NRG1: variants seen among roughly 807,000 people sequenced by gnomAD.
The protein encoded by NRG1 is pro-neuregulin-1, membrane-bound isoform.
Under a neutral mutation model 63.8 loss-of-function variants are expected in NRG1, and 18 were observed. The observed-to-expected ratio is 0.28, with a 90% CI of 0.19 to 0.42. NRG1 has a LOEUF of 0.42. NRG1 is among the 10% of genes least tolerant of loss of function. NRG1 has a pLI of 1.00. For synonymous variants in NRG1, 302 were observed against 301.3 expected (o/e 1.00, Z -0.02); for missense variants, 762 against 814.7 (o/e 0.94, Z 0.79).
chr8:31,943,927 C>T (rs1190663754), intron 1 of NRG1, among the ~76,000 whole-genome samples: 1 of 152,182 alleles, frequency 6.6e-6, no homozygotes, highest in African/African-American at 2.4e-5. Context: ...TGTGAGGTGG[C>T]TGTTTATACC....
At chr8:31,670,189 T>A (rs900758428) in intron 1 of NRG1, among the ~76,000 whole-genome samples, 20 of 152,060 alleles carry the variant, frequency 1.3e-4, no homozygotes, top group Non-Finnish European at 2.6e-4. Flanking sequence ...ATTGAAAAAA[T>A]TTTCCATGTT....
chr8:31,990,770 T>G (rs1472954712), intron 1 of NRG1, among the ~76,000 whole-genome samples: 2 of 152,116 alleles, frequency 1.3e-5, no homozygotes, highest in African/African-American at 4.8e-5. Flanking sequence ...AATATCAGCA[T>G]GAAGTGAAGT....
chr8:31,938,414 T>C (rs1329576005), intron 1 of NRG1, among the ~76,000 whole-genome samples: 1 of 152,152 alleles, frequency 6.6e-6, no homozygotes, highest in Non-Finnish European at 1.5e-5. Context: ...ACAGCAGTTC[T>C]TGAATCCCAG....
At chr8:32,681,966 C>T (rs1368715545) in intron 5 of NRG1, among the ~76,000 whole-genome samples, 2 of 151,928 alleles carry the variant, frequency 1.3e-5, no homozygotes, top group Non-Finnish European at 2.9e-5. Context: ...TCTTTAAGTA[C>T]CTATTCAGTG....
intron 1 of NRG1, among the ~76,000 whole-genome samples, chr8:32,463,982 TC>T (rs1308580154): frequency 1.5e-5 from 2 of 132,094 alleles, no homozygotes; most frequent in African/African-American, 5.5e-5. Context: ...AACCTCTGAC[TC>T]CCAGGTTCAA....
chr8:31,996,261 T>C (rs1488644768), intron 1 of NRG1, among the ~76,000 whole-genome samples: 1 of 152,006 alleles, frequency 6.6e-6, no homozygotes, highest in Non-Finnish European at 1.5e-5. Flanking sequence ...GTTCTTTATA[T>C]TGGCACTCCA....
chr8:32,044,204 T>A (rs1361748076), intron 1 of NRG1, among the ~76,000 whole-genome samples: 1 of 151,840 alleles, frequency 6.6e-6, no homozygotes, highest in Non-Finnish European at 1.5e-5. Flanking sequence ...TGACTGGGAA[T>A]AAAGATGACA....
chr8:32,237,097 T>G (rs754844408), intron 1 of NRG1, among the ~76,000 whole-genome samples: 7 of 152,190 alleles, frequency 4.6e-5, no homozygotes, highest in Non-Finnish European at 1.0e-4. Flanking sequence ...TTTCTGCACT[T>G]TATATCAGGT....
intron 1 of NRG1, among the ~76,000 whole-genome samples, chr8:31,686,336 A>G (rs989151466): frequency 3.3e-5 from 5 of 152,096 alleles, no homozygotes. Context: ...TTTTCTGAAT[A>G]TTTTATTGTC....
chr8:31,958,161 G>A (rs1485833704), intron 1 of NRG1, among the ~76,000 whole-genome samples: 1 of 151,958 alleles, frequency 6.6e-6, no homozygotes, highest in Non-Finnish European at 1.5e-5. Flanking sequence ...AGTACATGAA[G>A]AATTGGCATA....
At chr8:31,857,194 G>A (rs536517412) in intron 1 of NRG1, among the ~76,000 whole-genome samples, 64 of 152,178 alleles carry the variant, frequency 4.2e-4, no homozygotes, top group African/African-American at 1.3e-3. Context: ...GGGCAATGGC[G>A]GGCGCCCCTC....
chr8:32,648,517 A>G lies in NRG1; in HGVS notation c.502+31632A>G, dbSNP rs1015558406. On this transcript the variant is annotated intron_variant, in intron 5 of 11. Transcript: ENST00000356819. ...TGTTTAAGCAAAGCCTATGTTTGAG[A>G]TGCTTGGGATGGCATTGAAGGGCCG... is the stretch of plus-strand genomic sequence containing the variant. The G allele has an allele frequency of 1.4e-5, 19 of 1,326,682 alleles. 1 individual carries two copies. In the South Asian group the frequency reaches 2.9e-4, roughly 21 times the overall value. 82.2% of individuals were successfully genotyped at this position (1,326,682 alleles called of 1,614,324 possible). A position where few individuals can be genotyped will look rare whatever the true frequency, so the allele number is the denominator to read the frequency against.
chr8:32,187,698 C>T (rs1373698394), intron 1 of NRG1, among the ~76,000 whole-genome samples: 1 of 151,392 alleles, frequency 6.6e-6, no homozygotes, highest in Non-Finnish European at 1.5e-5. Context: ...TCTGGGGGAG[C>T]AGAGGCATAT....
chr8:32,764,239 C>T, exon 12 of NRG1: 1 of 1,614,118 alleles, frequency 6.2e-7, no homozygotes, highest in Non-Finnish European at 8.5e-7. Flanking sequence ...GAAGATACGC[C>T]TTTCCTGGGC....
chr8:31,790,258 T>C (rs1820573914), intron 1 of NRG1, among the ~76,000 whole-genome samples: 1 of 152,106 alleles, frequency 6.6e-6, no homozygotes, highest in Non-Finnish European at 1.5e-5. Flanking sequence ...CCTAAAACTA[T>C]TGAAGTAACA....
At chr8:32,145,188 C>A (rs1836739178) in intron 1 of NRG1, among the ~76,000 whole-genome samples, 1 of 152,030 alleles carries the variant, frequency 6.6e-6, no homozygotes, top group South Asian at 2.1e-4. Context: ...TAATGACGGC[C>A]CAGAAAGGTG....
chr8:32,333,796 T>G (rs1246131612), intron 1 of NRG1, among the ~76,000 whole-genome samples: 1 of 152,216 alleles, frequency 6.6e-6, no homozygotes, highest in South Asian at 2.1e-4. Flanking sequence ...TTCCTGTTCC[T>G]TTCCTGTTAC....
chr8:32,322,221 T>A (rs1240301748), intron 1 of NRG1, among the ~76,000 whole-genome samples: 1 of 151,918 alleles, frequency 6.6e-6, no homozygotes, highest in Non-Finnish European at 1.5e-5. Flanking sequence ...ATGATAGCAT[T>A]TCCTTTACTT....
chr8:32,478,218 T>G (rs1338750028), intron 1 of NRG1, among the ~76,000 whole-genome samples: 1 of 152,182 alleles, frequency 6.6e-6, no homozygotes. Flanking sequence ...CAGGCTAGAA[T>G]TGGCCCTTAA....
Sources: gnomAD v4.1 joint callset for allele counts (sites outside exome capture counted in the v4.1 genomes callset) on GRCh38, gnomAD v4.1.1 for gene constraint, MANE v1.5 for transcripts, NCBI Gene and HGNC (gene_info 2026-07-23, HGNC 2026-07-21) for gene names.